Variants in NBAS observed in about 807,000 individuals in gnomAD.
NBAS encodes NAG/BC035112 fusion.
In NBAS, 219 loss-of-function variants were observed where a neutral mutation model predicts 302.5. The observed-to-expected ratio is 0.72, with a 90% CI of 0.65 to 0.81. The LOEUF is 0.81. Among genes scored for constraint, NBAS ranks in the 30% least tolerant of loss-of-function variants. The probability of loss-of-function intolerance (pLI) is 0.00; values close to 1 mark genes in which losing one functional copy is unlikely to be tolerated. For missense variants in NBAS, 2,932 were observed against 2,841.6 expected (o/e 1.03, Z -0.72); for synonymous variants, 1,118 against 1,021.6 (o/e 1.09, Z -1.80).
At chr2:14,926,535 T>TA in the NBAS span, among the ~76,000 whole-genome samples, 5 of 152,156 alleles carry the variant, frequency 3.3e-5, no homozygotes, top group Non-Finnish European at 5.9e-5. Flanking sequence ...TGGTATGAAA[T>TA]AGAGGATCAA....
At chr2:15,554,637 T>C (rs1356317165) in intron 3 of NBAS, among the ~76,000 whole-genome samples, 1 of 148,084 alleles carries the variant, frequency 6.8e-6, no homozygotes, top group Non-Finnish European at 1.5e-5. Flanking sequence ...AATGAGCTAC[T>C]GAACCAAAGA....
intron 38 of NBAS, among the ~76,000 whole-genome samples, chr2:15,327,219 C>T (rs1305089142): frequency 6.6e-6 from 1 of 151,922 alleles, no homozygotes; most frequent in Admixed American, 6.6e-5. Flanking sequence ...GATGGCAGAG[C>T]AGAGAGAGGG....
intron 21 of NBAS, among the ~76,000 whole-genome samples, chr2:15,452,049 G>A (rs1679041637): frequency 6.6e-6 from 1 of 151,682 alleles, no homozygotes; most frequent in Non-Finnish European, 1.5e-5. Context: ...CCACTTACAT[G>A]CCATACCTAG....
downstream of NBAS, among the ~76,000 whole-genome samples, chr2:15,163,647 C>T (rs1272472098): frequency 6.6e-6 from 1 of 152,066 alleles, no homozygotes; most frequent in African/African-American, 2.4e-5. Context: ...CTAAGTGATG[C>T]CATAATAATC....
At chr2:15,255,575 A>G (rs1478318419) in intron 44 of NBAS, among the ~76,000 whole-genome samples, 1 of 151,980 alleles carries the variant, frequency 6.6e-6, no homozygotes, top group East Asian at 1.9e-4. Flanking sequence ...GGTACCATCT[A>G]TTTATCTTTG....
the NBAS span, among the ~76,000 whole-genome samples, chr2:15,088,818 C>T: frequency 6.6e-6 from 1 of 152,226 alleles, no homozygotes; most frequent in African/African-American, 2.4e-5. Flanking sequence ...TCTAGAGCGG[C>T]CAGCTCCTGG....
At chr2:14,802,967 C>A in the NBAS span, among the ~76,000 whole-genome samples, 1 of 148,080 alleles carries the variant, frequency 6.8e-6, no homozygotes, top group South Asian at 2.2e-4. Flanking sequence ...TGCAGCGCAC[C>A]AGCATGGCAC....
At chr2:14,945,643 TA>T in the NBAS span, among the ~76,000 whole-genome samples, 2 of 151,634 alleles carry the variant, frequency 1.3e-5, no homozygotes, top group Non-Finnish European at 2.9e-5. Context: ...CATGTTGAAC[TA>T]AAAAATTAAT....
At chr2:15,136,899 C>T in the NBAS span, among the ~76,000 whole-genome samples, 1 of 152,192 alleles carries the variant, frequency 6.6e-6, no homozygotes, top group Non-Finnish European at 1.5e-5. Flanking sequence ...CCTTGCTTCC[C>T]CTTCACCTTC....
chr2:14,854,375 T>G, the NBAS span, among the ~76,000 whole-genome samples: 1 of 151,744 alleles, frequency 6.6e-6, no homozygotes, highest in Non-Finnish European at 1.5e-5. Flanking sequence ...GATGGCAGAA[T>G]AGAAAGTGCC....
At chr2:15,170,724 G>T (rs1471903786) in intron 51 of NBAS, among the ~76,000 whole-genome samples, 2 of 152,188 alleles carry the variant, frequency 1.3e-5, no homozygotes, top group Non-Finnish European at 2.9e-5. Flanking sequence ...TAATTTTTCT[G>T]TGTGTATTTG....
chr2:14,959,596 A>C, the NBAS span, among the ~76,000 whole-genome samples: 2 of 152,170 alleles, frequency 1.3e-5, no homozygotes, highest in African/African-American at 4.8e-5. Context: ...CCATTTCTAA[A>C]CATTAGTTAA....
At chr2:15,054,051 G>A in the NBAS span, among the ~76,000 whole-genome samples, 2 of 152,086 alleles carry the variant, frequency 1.3e-5, no homozygotes, top group East Asian at 1.9e-4. Context: ...TTGTCATGGA[G>A]GTCAACAATC....
At chr2:15,311,282 T>C (rs1671264278) in intron 38 of NBAS, among the ~76,000 whole-genome samples, 1 of 152,186 alleles carries the variant, frequency 6.6e-6, no homozygotes, top group Non-Finnish European at 1.5e-5. Context: ...ATAAAAATCT[T>C]TCTGGTTTTC....
chr2:14,803,633 T>C, the NBAS span, among the ~76,000 whole-genome samples: 2 of 152,006 alleles, frequency 1.3e-5, no homozygotes, highest in Non-Finnish European at 2.9e-5. Context: ...ATGTTTTCTT[T>C]TTGTTGTTGT....
chr2:14,848,715 T>C, the NBAS span, among the ~76,000 whole-genome samples: 602 of 149,860 alleles, frequency 4.0e-3, 18 homozygotes, highest in Admixed American at 0.037. Context: ...TCTCCCAGCA[T>C]GCAGCTGGAG....
At chr2:15,397,699 T>C (rs1675935537) in intron 26 of NBAS, 6 of 479,924 alleles carry the variant, frequency 1.3e-5, no homozygotes, top group Admixed American at 2.4e-5. Context: ...CGGGCACACA[T>C]TGGGCACAGT....
the NBAS span, among the ~76,000 whole-genome samples, chr2:15,079,180 C>T: frequency 6.6e-6 from 1 of 151,958 alleles, no homozygotes; most frequent in Non-Finnish European, 1.5e-5. Flanking sequence ...ATCTCAAAGG[C>T]TTTAACTCTG....
At chr2:15,414,849 G>A (rs945676526) in intron 25 of NBAS, among the ~76,000 whole-genome samples, 2 of 152,152 alleles carry the variant, frequency 1.3e-5, no homozygotes, top group Non-Finnish European at 2.9e-5. Flanking sequence ...GAAGGCTGAG[G>A]CAGGAGAATT....
Sources: allele counts gnomAD v4.1 joint callset (sites outside exome capture counted in the v4.1 genomes callset), GRCh38; gene constraint gnomAD v4.1.1; transcripts MANE v1.5; gene names NCBI Gene and HGNC (gene_info 2026-07-23, HGNC 2026-07-21).